ANK3: variants seen among roughly 807,000 people sequenced by gnomAD.
ANK3 encodes the protein ankyrin 3, also known as ankyrin-3.
A neutral mutation model predicts 370.9 loss-of-function variants in ANK3; 57 were observed. The ratio of observed to expected loss-of-function variants is 0.15; its 90% CI spans 0.12 to 0.19. The LOEUF (loss-of-function observed/expected upper bound fraction) is 0.19, where lower values mean the gene tolerates loss of function less well. ANK3 is among the 10% of genes least tolerant of loss of function. The pLI, the probability that ANK3 is intolerant of heterozygous loss-of-function variation, is 1.00. For synonymous variants in ANK3, 1,929 were observed against 1,946.3 expected (o/e 0.99, Z 0.23); for missense variants, 4,439 against 5,302.1 (o/e 0.84, Z 5.06).
intron 2 of ANK3, among the ~76,000 whole-genome samples, chr10:60,450,224 T>A (rs1388835740): frequency 6.6e-6 from 1 of 151,976 alleles, no homozygotes; most frequent in African/African-American, 2.4e-5. Flanking sequence ...AGCCCAGGAG[T>A]TGGAGGCTGC....
intron 5 of ANK3, among the ~76,000 whole-genome samples, chr10:60,268,543 A>G (rs906702551): frequency 2.0e-5 from 3 of 152,102 alleles, no homozygotes; most frequent in Non-Finnish European, 4.4e-5. Flanking sequence ...GTAAATTTAG[A>G]TTCTGATTTT....
At chr10:60,105,301 CT>C (rs2132084015) in intron 28 of ANK3, among the ~76,000 whole-genome samples, 1 of 152,092 alleles carries the variant, frequency 6.6e-6, no homozygotes, top group South Asian at 2.1e-4. Context: ...AAAAATTGCT[CT>C]GGTTCTTAGG....
chr10:60,186,637 T>C, intron 17 of ANK3, 78 bp downstream of exon 17: 1 of 1,405,370 alleles, frequency 7.1e-7, no homozygotes, highest in Non-Finnish European at 9.9e-7. Flanking sequence ...ACTCAGATCT[T>C]CTGTGAATTC....
intron 1 of ANK3, among the ~76,000 whole-genome samples, chr10:60,699,762 T>A (rs746913226): frequency 1.3e-5 from 2 of 152,166 alleles, no homozygotes; most frequent in Admixed American, 6.6e-5. Flanking sequence ...TATTGTTTAA[T>A]GATGACCAGA....
At chr10:60,096,602 A>G (rs190192341) in intron 28 of ANK3, among the ~76,000 whole-genome samples, 5 of 152,226 alleles carry the variant, frequency 3.3e-5, no homozygotes, top group African/African-American at 1.2e-4. Context: ...CTGTTTTCAC[A>G]CTCTACCCAG....
intron 1 of ANK3, among the ~76,000 whole-genome samples, chr10:60,656,343 G>C (rs528870267): frequency 6.6e-6 from 1 of 151,892 alleles, no homozygotes; most frequent in Non-Finnish European, 1.5e-5. Flanking sequence ...TGTAGTATTT[G>C]TCTTGTTATT....
intron 1 of ANK3, among the ~76,000 whole-genome samples, chr10:60,341,605 C>T (rs2054291195): frequency 1.3e-5 from 2 of 152,058 alleles, no homozygotes; most frequent in African/African-American, 2.4e-5. Flanking sequence ...GCACTTTATC[C>T]ACTTATGTGC....
At chr10:60,549,331 C>T (rs1455964291) in intron 2 of ANK3, among the ~76,000 whole-genome samples, 1 of 152,094 alleles carries the variant, frequency 6.6e-6, no homozygotes, top group East Asian at 1.9e-4. Context: ...GCTTATGATT[C>T]AAACTTTACA....
At chr10:60,687,531 A>ACACACACACACACACACACACAC (rs111633246) in intron 1 of ANK3, among the ~76,000 whole-genome samples, 4 of 121,006 alleles carry the variant, frequency 3.3e-5, no homozygotes, top group African/African-American at 1.4e-4. Context: ...CTGGTATAAA[A>ACACACACACACACACACACACAC]AAAAACACAC....
intron 25 of ANK3, among the ~76,000 whole-genome samples, chr10:60,132,504 C>A (rs1486209897): frequency 6.6e-6 from 1 of 152,144 alleles, no homozygotes; most frequent in Non-Finnish European, 1.5e-5. Context: ...AATTGTGAGG[C>A]CTCCCCAGCC....
intron 2 of ANK3, among the ~76,000 whole-genome samples, chr10:60,447,516 C>T (rs2064480914): frequency 6.6e-6 from 1 of 151,996 alleles, no homozygotes; most frequent in Admixed American, 6.6e-5. Flanking sequence ...CAGTTCTTGT[C>T]ATTGACATTA....
chr10:60,154,431 A>G (rs2095260944), intron 23 of ANK3, among the ~76,000 whole-genome samples: 1 of 152,202 alleles, frequency 6.6e-6, no homozygotes, highest in Non-Finnish European at 1.5e-5. Flanking sequence ...GGTCTTCTTC[A>G]GATCTACCTT....
intron 7 of ANK3, among the ~76,000 whole-genome samples, chr10:60,240,306 A>ATATATATATATT (rs11282162): frequency 2.8e-4 from 33 of 119,752 alleles, no homozygotes; most frequent in East Asian, 6.9e-4. Flanking sequence ...ATATATATAT[A>ATATATATATATT]TTTTTTTTTC....
In ANK3 at chr10:60,074,012, A is replaced by T. The variant is rs761875233; in HGVS notation, c.6869T>A (p.Leu2290Gln). The change falls in exon 37 of 44, where the codon CTG becomes CAG. Residue 2290 changes from leucine to glutamine, a missense_variant. Physicochemically the swap from Leu to Gln is moderately radical, Grantham distance 113. Coordinates refer to ENST00000280772, the MANE Select transcript of ANK3 (RefSeq NM_020987.5). ...FQSGRDPSKE[L>Q]AGLFEHKSAV... The stretch of plus-strand genomic sequence containing the variant: ...CGACTTATGTTCAAACAGACCTGCC[A>T]GTTCTTTGGAAGGATCCCGCCCGGA... 4 of 1,614,100 alleles carry T rather than the reference A, an allele frequency of 2.5e-6. No individual in the cohort carries two copies. In the South Asian group the frequency reaches 3.3e-5, roughly 13 times the overall value.
intron 6 of ANK3, 70 bp downstream of exon 6, chr10:60,263,765 G>A (rs1047867234): frequency 1.6e-5 from 25 of 1,564,902 alleles, no homozygotes; most frequent in Middle Eastern, 2.3e-4. Context: ...GAGGGAGACC[G>A]GGTGCTCTTA....
chr10:60,492,683 G>T (rs2075542722), intron 2 of ANK3, among the ~76,000 whole-genome samples: 1 of 132,948 alleles, frequency 7.5e-6, no homozygotes, highest in Non-Finnish European at 1.7e-5. Context: ...CTCCAGCCTG[G>T]GCAACACAGT....
intron 25 of ANK3, among the ~76,000 whole-genome samples, 177 bp downstream of exon 25, chr10:60,134,094 C>T (rs3213828): frequency 0.55 from 84,314 of 152,000 alleles, 24,345 homozygotes; most frequent in African/African-American, 0.69. Flanking sequence ...CTGCAGAAGA[C>T]AGGAATATTT....
chr10:60,278,640 C>A, intron 4 of ANK3, 134 bp downstream of exon 4: 1 of 739,284 alleles, frequency 1.4e-6, no homozygotes, highest in African/African-American at 1.8e-5. Context: ...CAAAGTGTGC[C>A]AAATATAACT....
chr10:60,113,375 G>A (rs955837285), intron 26 of ANK3, among the ~76,000 whole-genome samples: 7 of 152,036 alleles, frequency 4.6e-5, no homozygotes, highest in Non-Finnish European at 8.8e-5. Context: ...TGTATCATAT[G>A]AGAAAAAAAT....
Sources: allele counts gnomAD v4.1 joint callset (sites outside exome capture counted in the v4.1 genomes callset), GRCh38; gene constraint gnomAD v4.1.1; transcripts MANE v1.5; gene names NCBI Gene and HGNC (gene_info 2026-07-23, HGNC 2026-07-21).